ADD3: variants seen among roughly 807,000 people sequenced by gnomAD.
The protein encoded by ADD3 is adducin 3, also known as gamma-adducin.
ADD3 carries 25 observed loss-of-function variants against 80.2 expected under a neutral mutation model. That is an observed-to-expected ratio of 0.31 (90% CI 0.23 to 0.44). ADD3 has a LOEUF of 0.44. Among genes scored for constraint, ADD3 ranks in the 20% least tolerant of loss-of-function variants. ADD3 has a pLI of 1.00. For synonymous variants in ADD3, 284 were observed against 289.6 expected, an observed-to-expected ratio of 0.98 and a Z score of 0.20; for missense variants, 829 against 847.5, an observed-to-expected ratio of 0.98 and a Z score of 0.27.
At chr10:110,046,797 A>G (rs1318795708) in intron 1 of ADD3, among the ~76,000 whole-genome samples, 1 of 152,222 alleles carries the variant, frequency 6.6e-6, no homozygotes, top group Non-Finnish European at 1.5e-5. Context: ...TGCTTTAAAA[A>G]TAGTAGCTGC....
rs556952560 is a variant in ADD3, at chr10:110,082,720, G to A, written c.-29-17905G>A. ...TTTGTACGTGGTCTCAAAACATGGC[G>A]GTAAATATAGATTTTTAGAAATTGC... On this transcript the variant is annotated intron_variant, in intron 1 of 14. Transcript: ENST00000356080. Among the ~76,000 whole-genome samples, 112 of 152,238 alleles carry A rather than the reference G, an allele frequency of 7.4e-4. 1 individual carries two copies. Among genetic ancestry groups the A allele is most frequent in the Admixed American group, 1.5e-3 (23 of 15,298 alleles).
chr10:110,078,261 T>A (rs1267294532), intron 1 of ADD3, among the ~76,000 whole-genome samples: 1 of 152,216 alleles, frequency 6.6e-6, no homozygotes, highest in East Asian at 1.9e-4. Flanking sequence ...TTTCTTTACC[T>A]GTACAGTTAG....
At chr10:110,000,704 G>A (rs1489724904) in intron 1 of ADD3, among the ~76,000 whole-genome samples, 1 of 152,228 alleles carries the variant, frequency 6.6e-6, no homozygotes, top group African/African-American at 2.4e-5. Flanking sequence ...TCTGGAGTCA[G>A]AAAGCCTGGA....
At chr10:110,107,641 C>T (rs958482192) in intron 2 of ADD3, among the ~76,000 whole-genome samples, 2 of 152,052 alleles carry the variant, frequency 1.3e-5, no homozygotes, top group Non-Finnish European at 2.9e-5. Context: ...TTTTACTTTG[C>T]CTACCACTTA....
At chr10:110,018,454 G>A (rs192945965) in intron 1 of ADD3, among the ~76,000 whole-genome samples, 19 of 151,158 alleles carry the variant, frequency 1.3e-4, no homozygotes, top group Non-Finnish European at 2.4e-4. Flanking sequence ...CTTGAACCTG[G>A]GAGGCGGAGG....
chr10:110,113,529 A>G (rs1850322903), intron 3 of ADD3, among the ~76,000 whole-genome samples: 2 of 152,172 alleles, frequency 1.3e-5, no homozygotes, highest in Admixed American at 6.5e-5. Flanking sequence ...GGCCTCCCAA[A>G]GTGCTGGGAT....
Position 110,007,999 on chromosome 10 carries a change from A to G in ADD3, c.-330A>G, listed in dbSNP as rs1851818118. 6.6e-6 allele frequency: 1 copy of G among 152,126 alleles called. No individual in the cohort carries two copies. The highest frequency in any genetic ancestry group is 2.1e-4 in the South Asian group (1 of 4,834). 9.4% of individuals were successfully genotyped at this position (152,126 alleles called of 1,614,324 possible). A position where few individuals can be genotyped will look rare whatever the true frequency, so the allele number is the denominator to read the frequency against. On this transcript the variant is annotated 5_prime_UTR_variant, in exon 1 of 15. Transcript: ENST00000356080. ...TAGTCCCGCCAGAGCGCGAGCCGCC[A>G]GCCCGTAACGGTCGCCAGTGTGAGG...
Position 110,100,643 on chromosome 10 carries a change from A to C in ADD3, c.-11A>C, listed in dbSNP as rs756536764. 6.3e-7 allele frequency: 1 copy of C among 1,582,820 alleles called. No homozygotes were observed. The highest frequency in any genetic ancestry group is 8.6e-7 in the Non-Finnish European group (1 of 1,167,746). ...AATGCAGATAACAAGAGTAATCCAC[A>C]GACTTAAAACATGAGCTCAGATGCC... On this transcript the variant is annotated 5_prime_UTR_variant, in exon 2 of 15. Coordinates refer to ENST00000356080, the MANE Select transcript of ADD3 (RefSeq NM_016824.5).
chr10:110,018,270 G>A (rs916239634), intron 1 of ADD3, among the ~76,000 whole-genome samples: 6 of 152,170 alleles, frequency 3.9e-5, no homozygotes, highest in Non-Finnish European at 7.4e-5. Flanking sequence ...CTCAACGCCT[G>A]TAATCCCAGC....
chr10:109,996,676 C>A (rs1851385715), intron 1 of ADD3, among the ~76,000 whole-genome samples: 1 of 152,196 alleles, frequency 6.6e-6, no homozygotes, highest in Non-Finnish European at 1.5e-5. Flanking sequence ...TTATGCCCTG[C>A]TTTGGAAAGC....
At chr10:110,115,102 G>T (rs900930659) in intron 3 of ADD3, among the ~76,000 whole-genome samples, 2 of 145,080 alleles carry the variant, frequency 1.4e-5, no homozygotes, top group African/African-American at 2.6e-5. Flanking sequence ...AAAAAAAAAA[G>T]GGTGGGGCCA....
intron 1 of ADD3, among the ~76,000 whole-genome samples, chr10:110,072,762 A>G (rs1486981431): frequency 6.6e-6 from 1 of 152,214 alleles, no homozygotes; most frequent in African/African-American, 2.4e-5. Context: ...CACTTGTGAG[A>G]ACAGTTAACT....
intron 1 of ADD3, among the ~76,000 whole-genome samples, chr10:110,046,206 A>G (rs1274545624): frequency 6.6e-6 from 1 of 152,188 alleles, no homozygotes; most frequent in Non-Finnish European, 1.5e-5. Context: ...AGATGACATA[A>G]ATTTATGGTA....
At chr10:110,029,675 G>A (rs1348803737) in intron 1 of ADD3, among the ~76,000 whole-genome samples, 1 of 152,148 alleles carries the variant, frequency 6.6e-6, no homozygotes, top group African/African-American at 2.4e-5. Context: ...GAAAAATCCA[G>A]TTTTCTTGCC....
At chr10:110,128,969 A>T (rs1852564411) in intron 12 of ADD3, among the ~76,000 whole-genome samples, 1 of 152,116 alleles carries the variant, frequency 6.6e-6, no homozygotes, top group Non-Finnish European at 1.5e-5. Context: ...GGGTGATTGG[A>T]TGTGGACCAG....
intron 1 of ADD3, among the ~76,000 whole-genome samples, chr10:110,040,285 G>A (rs1002853521): frequency 3.3e-5 from 5 of 152,094 alleles, no homozygotes; most frequent in African/African-American, 7.2e-5. Flanking sequence ...AACATGTGAT[G>A]CAGCTTTCTT....
At chr10:110,118,481 C>A in intron 5 of ADD3, 106 bp from the exon 6 acceptor site, 3 of 906,760 alleles carry the variant, frequency 3.3e-6, no homozygotes, top group Non-Finnish European at 5.2e-6. Flanking sequence ...AAAATATTTG[C>A]TATCTGACCT....
chr10:110,040,599 G>A (rs901440983), intron 1 of ADD3, among the ~76,000 whole-genome samples: 1 of 152,130 alleles, frequency 6.6e-6, no homozygotes, highest in African/African-American at 2.4e-5. Context: ...GCTTTTTTCT[G>A]TGGGAAATAG....
At chr10:110,110,549 A>C (rs892221697) in intron 2 of ADD3, among the ~76,000 whole-genome samples, 1 of 152,080 alleles carries the variant, frequency 6.6e-6, no homozygotes, top group Non-Finnish European at 1.5e-5. Context: ...AACTATTAGC[A>C]CCCAGCTCTT....
Sources: allele counts gnomAD v4.1 joint callset (sites outside exome capture counted in the v4.1 genomes callset), GRCh38; gene constraint gnomAD v4.1.1; transcripts MANE v1.5; gene names NCBI Gene and HGNC (gene_info 2026-07-23, HGNC 2026-07-21).